The following CRYBG1 variants were observed in gnomAD, a reference collection of about 807,000 sequenced individuals.
The protein encoded by CRYBG1 is beta/gamma crystallin domain-containing protein 1.
A neutral mutation model predicts 189.2 loss-of-function variants in CRYBG1; 139 were observed. The ratio of observed to expected loss-of-function variants is 0.73; its 90% confidence interval spans 0.64 to 0.85. The LOEUF (loss-of-function observed/expected upper bound fraction) is 0.85, where lower values mean the gene tolerates loss of function less well. Among genes scored for constraint, CRYBG1 ranks in the 40% least tolerant of loss-of-function variants. The pLI, the probability that CRYBG1 is intolerant of heterozygous loss-of-function variation, is 0.00. For missense variants in CRYBG1, 2,611 were observed against 2,675.8 expected (o/e 0.98, Z 0.53); for synonymous variants, 1,023 against 1,017.1 (o/e 1.01, Z -0.11).
chr6:106,441,460 C>T (rs1582764532), intron 1 of CRYBG1, among the ~76,000 whole-genome samples: 1 of 152,326 alleles, frequency 6.6e-6, no homozygotes, highest in Non-Finnish European at 1.5e-5. Context: ...TTCAGCTTCA[C>T]AGCCATTCTA....
At chr6:106,384,262 C>G (rs1182291392) in intron 1 of CRYBG1, among the ~76,000 whole-genome samples, 1 of 152,128 alleles carries the variant, frequency 6.6e-6, no homozygotes, top group East Asian at 1.9e-4. Flanking sequence ...TTCTTTAGAG[C>G]AGTGGTCCCC....
intron 2 of CRYBG1, among the ~76,000 whole-genome samples, chr6:106,473,181 TTAA>T (rs1196510104): frequency 6.6e-6 from 1 of 152,198 alleles, no homozygotes; most frequent in African/African-American, 2.4e-5. Flanking sequence ...CTTTTTCTTC[TTAA>T]TTATTATAGA....
intron 1 of CRYBG1, among the ~76,000 whole-genome samples, chr6:106,409,723 A>T (rs535551806): frequency 2.0e-5 from 3 of 152,152 alleles, no homozygotes; most frequent in African/African-American, 7.2e-5. Context: ...AACACCTCAC[A>T]TCTATAACCA....
At position 106,390,665 on chromosome 6, in the gene CRYBG1, C is replaced by G. The variant is rs546075295; in HGVS notation, c.173+29584C>G. Among the ~76,000 whole-genome samples the G allele has an allele frequency of 2.6e-5, 4 of 152,214 alleles. No homozygotes were observed. The South Asian group carries it at 8.3e-4, about 32-fold the overall frequency. ...AGATTAATTTTGTTCTTTTTCTTTT[C>G]ATCTCATTGGAATCATATGATATGT... On this transcript the variant is annotated intron_variant, in intron 1 of 21. Transcript: ENST00000633556.
chr6:106,431,090 G>C (rs1771317440), intron 1 of CRYBG1, among the ~76,000 whole-genome samples: 2 of 152,054 alleles, frequency 1.3e-5, no homozygotes, highest in East Asian at 3.9e-4. Context: ...TCAAACTCCT[G>C]ACCTCAAGTG....
chr6:106,427,902 G>A (rs1297989451), intron 1 of CRYBG1, among the ~76,000 whole-genome samples: 1 of 152,078 alleles, frequency 6.6e-6, no homozygotes, highest in South Asian at 2.1e-4. Flanking sequence ...TTTCTGGACC[G>A]CATCGAGCTC....
At chr6:106,495,032 G>A (rs1435607352) in intron 2 of CRYBG1, among the ~76,000 whole-genome samples, 3 of 152,118 alleles carry the variant, frequency 2.0e-5, no homozygotes, top group Non-Finnish European at 2.9e-5. Context: ...AATGTATGCA[G>A]GGCAACTTTC....
chr6:106,548,545 T>C (rs1774316100), intron 13 of CRYBG1, among the ~76,000 whole-genome samples: 1 of 152,136 alleles, frequency 6.6e-6, no homozygotes, highest in East Asian at 1.9e-4. Flanking sequence ...CTCCTTGGCA[T>C]TCAGCCTCCC....
chr6:106,499,148 G>GTTTTTTT (rs1464208340), intron 2 of CRYBG1, among the ~76,000 whole-genome samples: 2 of 23,750 alleles, frequency 8.4e-5, no homozygotes, highest in Non-Finnish European at 1.7e-4. Flanking sequence ...TTGTTTGTTT[G>GTTTTTTT]TTTGTTTGTT....
chr6:106,438,311 G>T (rs1218809159), intron 1 of CRYBG1, among the ~76,000 whole-genome samples: 1 of 152,202 alleles, frequency 6.6e-6, no homozygotes, highest in Admixed American at 6.5e-5. Context: ...GCACATTCAC[G>T]TTGGGGTAGC....
In CRYBG1 at chr6:106,512,422, C is replaced by T. The variant is rs769882846; in HGVS notation, c.1305C>T (p.Ala435=). 5.0e-6 allele frequency: 8 copies of T among 1,608,972 alleles called. No homozygotes were observed. Among genetic ancestry groups the T allele is most frequent in the African/African-American group, 1.3e-5 (1 of 74,996 alleles). The change falls in exon 3 of 22, where the codon GCC becomes GCT. Residue 435 remains alanine, a synonymous_variant. Coordinates refer to ENST00000633556, the MANE Select transcript of CRYBG1 (RefSeq NM_001371242.2). ...QKSTDSPGAD[A]ELPESAARDD... is the part of the protein sequence containing the mutation. ...CCACCGACTCCCCCGGCGCGGACGCCGAGCTCCCTGAGAGCGCTGCCAGGG... is the reference window on the plus strand; with the variant it reads ...CCACCGACTCCCCCGGCGCGGACGCTGAGCTCCCTGAGAGCGCTGCCAGGG...
At chr6:106,450,779 C>G (rs1324153043) in intron 1 of CRYBG1, among the ~76,000 whole-genome samples, 1 of 152,216 alleles carries the variant, frequency 6.6e-6, no homozygotes, top group Non-Finnish European at 1.5e-5. Flanking sequence ...GAAAGGGAAA[C>G]TTTCTCTTCT....
chr6:106,502,554 G>A lies in CRYBG1; in HGVS notation c.313-8876G>A, dbSNP rs538649152. On this transcript the variant is annotated intron_variant, in intron 2 of 21. Transcript: ENST00000633556. ...CACATTATGCATAAGAAAAAAAATCGCCGAATTAGGATAATACATCTCAAC... is the reference window on the plus strand; with the variant it reads ...CACATTATGCATAAGAAAAAAAATCACCGAATTAGGATAATACATCTCAAC... Among the ~76,000 whole-genome samples the A allele has an allele frequency of 9.2e-5, 14 of 152,156 alleles. No homozygotes were observed. In the South Asian group the frequency reaches 1.7e-3, roughly 18 times the overall value.
At chr6:106,523,683 G>A (rs1773660698) in intron 4 of CRYBG1, among the ~76,000 whole-genome samples, 1 of 149,536 alleles carries the variant, frequency 6.7e-6, no homozygotes, top group Admixed American at 6.6e-5. Flanking sequence ...ACATAAATAG[G>A]TATATACCAT....
Position 106,520,135 on chromosome 6 carries a change from C to T in CRYBG1, c.2927C>T (p.Pro976Leu), listed in dbSNP as rs540068239. 126 of 1,614,010 alleles carry T rather than the reference C, an allele frequency of 7.8e-5. No individual in the cohort carries two copies. The highest frequency in any genetic ancestry group is 1.0e-4 in the Non-Finnish European group (121 of 1,180,038). Residue 976 changes from proline to leucine, a missense_variant, in exon 4 of 22, where the codon CCA (proline) becomes CTA (leucine). Coordinates refer to ENST00000633556, the MANE Select transcript of CRYBG1 (RefSeq NM_001371242.2). ...STQDVSSQVI[P>L]ESSEVREVQL... ...CAGGATGTGAGCTCCCAGGTCATCC[C>T]AGAGAGCTCTGAAGTTAGAGAAGTG...
intron 1 of CRYBG1, among the ~76,000 whole-genome samples, chr6:106,396,602 T>C (rs1770618010): frequency 6.6e-6 from 1 of 152,304 alleles, no homozygotes; most frequent in East Asian, 1.9e-4. Flanking sequence ...GTTTAATGGT[T>C]TTGCTTCTTG....
chr6:106,417,301 C>T (rs576178478), intron 1 of CRYBG1, among the ~76,000 whole-genome samples: 6 of 152,032 alleles, frequency 3.9e-5, no homozygotes, highest in South Asian at 2.1e-4. Flanking sequence ...CTGGGAGAGA[C>T]AAGAGAGGCA....
At chr6:106,475,232 A>G (rs1772311628) in intron 2 of CRYBG1, among the ~76,000 whole-genome samples, 1 of 152,166 alleles carries the variant, frequency 6.6e-6, no homozygotes, top group African/African-American at 2.4e-5. Flanking sequence ...ACTGAAACTT[A>G]CTTACTTATT....
Position 106,547,554 on chromosome 6 carries a change from CT to C in CRYBG1, c.5312+2622del, listed in dbSNP as rs747895362. ...GATGAGCCAAGATGATGGAGGAGGA[CT>C]ACCTATTCACTTTAAATAGTTTCAA... On this transcript the variant is annotated intron_variant, in intron 13 of 21. Transcript: ENST00000633556. 1.4e-4 allele frequency among the ~76,000 whole-genome samples: 22 copies of C among 152,224 alleles called. No individual in the cohort carries two copies. The East Asian group carries it at 2.7e-3, about 19-fold the overall frequency.
Sources: allele counts gnomAD v4.1 joint callset (sites outside exome capture counted in the v4.1 genomes callset), GRCh38; gene constraint gnomAD v4.1.1; transcripts MANE v1.5; gene names NCBI Gene and HGNC (gene_info 2026-07-23, HGNC 2026-07-21).